Variants in KIAA0319 observed in about 807,000 individuals in gnomAD.
The protein encoded by KIAA0319 is dyslexia-associated protein KIAA0319.
In KIAA0319, 83 loss-of-function variants were observed where a neutral mutation model predicts 108.4. That is an observed-to-expected ratio of 0.77 (90% CI 0.64 to 0.92). The LOEUF (loss-of-function observed/expected upper bound fraction) is 0.92, where lower values mean the gene tolerates loss of function less well. Among genes scored for constraint, KIAA0319 ranks in the 40% least tolerant of loss-of-function variants. The pLI is 0.00. For missense variants in KIAA0319, 1,195 were observed against 1,322.4 expected (o/e 0.90, Z 1.49); for synonymous variants, 484 against 510.4 (o/e 0.95, Z 0.70).
chr6:24,571,230 T>C (rs2127461383), intron 11 of KIAA0319, among the ~76,000 whole-genome samples: 1 of 149,246 alleles, frequency 6.7e-6, no homozygotes, highest in African/African-American at 2.5e-5. Context: ...TTGATATAAA[T>C]AGATAAAATA....
chr6:24,573,525 C>T (rs577203411), intron 10 of KIAA0319, among the ~76,000 whole-genome samples: 116 of 152,084 alleles, frequency 7.6e-4, no homozygotes, highest in Non-Finnish European at 1.5e-3. Flanking sequence ...GGGTCGCATT[C>T]AAAAGCAAAC....
At chr6:24,622,969 A>G (rs775296439) in intron 1 of KIAA0319, among the ~76,000 whole-genome samples, 1 of 152,044 alleles carries the variant, frequency 6.6e-6, no homozygotes, top group Non-Finnish European at 1.5e-5. Context: ...AACCCAGGAG[A>G]TGGAGGTTGC....
chr6:24,576,478 G>A lies in KIAA0319; in HGVS notation c.1624C>T (p.Pro542Ser), dbSNP rs773814986. The part of the protein sequence containing the change: ...NAGPNHTITL[P>S]QNSITLNGNQ... The stretch of plus-strand genomic sequence containing the variant: ...CCATTCAAAGTGATGGAGTTTTGGG[G>A]CAAAGTTATGGTGTGATTTGGTCCT... Residue 542 changes from proline (P) to serine (S), a missense_variant, in exon 10 of 21, where the codon CCC (proline) becomes TCC (serine). Physicochemically the swap from Pro to Ser is moderately conservative, Grantham distance 74 (BLOSUM62 -1). Coordinates refer to ENST00000378214, the MANE Select transcript of KIAA0319 (RefSeq NM_014809.4). 1.9e-6 allele frequency: 3 copies of A among 1,614,146 alleles called. No homozygotes were observed. The highest frequency in any genetic ancestry group is 4.5e-5 in the East Asian group (2 of 44,888).
At chr6:24,632,541 T>A (rs541729648) in intron 1 of KIAA0319, among the ~76,000 whole-genome samples, 56 of 152,306 alleles carry the variant, frequency 3.7e-4, no homozygotes, top group African/African-American at 1.3e-3. Context: ...ACTTCTCCAC[T>A]CCTTACTGCC....
intron 1 of KIAA0319, among the ~76,000 whole-genome samples, chr6:24,612,743 C>A (rs1562067711): frequency 6.6e-6 from 1 of 152,106 alleles, no homozygotes; most frequent in Non-Finnish European, 1.5e-5. Context: ...GAAGAATTCA[C>A]AAAAAATTTT....
At position 24,579,842 on chromosome 6, in the gene KIAA0319, A is replaced by G. The variant is rs755510705; in HGVS notation, c.1372+16T>C. ...AGAGAAAAAAAGAAATCCCTAAACT[A>G]TCTCAGGATACACACGGCTGCCATC... On this transcript the variant is annotated intron_variant, in intron 8 of 20. Transcript: ENST00000378214. The G allele has an allele frequency of 5.7e-6, 9 of 1,583,434 alleles. No individual in the cohort carries two copies. Among genetic ancestry groups the G allele is most frequent in the Non-Finnish European group, 6.9e-6 (8 of 1,161,448 alleles).
At chr6:24,573,383 G>A (rs1765011585) in intron 10 of KIAA0319, among the ~76,000 whole-genome samples, 1 of 152,180 alleles carries the variant, frequency 6.6e-6, no homozygotes, top group African/African-American at 2.4e-5. Flanking sequence ...CCATCAACAG[G>A]AGGATGGTCA....
intron 1 of KIAA0319, among the ~76,000 whole-genome samples, chr6:24,616,572 TC>T (rs1773187638): frequency 6.6e-6 from 1 of 152,176 alleles, no homozygotes; most frequent in South Asian, 2.1e-4. Flanking sequence ...CAGGATGGTC[TC>T]GATTTCTTGA....
chr6:24,610,837 A>G (rs1397114154), intron 1 of KIAA0319, among the ~76,000 whole-genome samples: 2 of 152,178 alleles, frequency 1.3e-5, no homozygotes, highest in Non-Finnish European at 2.9e-5. Context: ...AACAACCCAA[A>G]CATTCATCAA....
intron 19 of KIAA0319, among the ~76,000 whole-genome samples, 153 bp downstream of exon 19, chr6:24,554,388 T>C (rs2817251): frequency 0.29 from 44,721 of 152,142 alleles, 7,894 homozygotes; most frequent in African/African-American, 0.5. Flanking sequence ...CCTCTAATAT[T>C]CCATTTATTT....
At chr6:24,637,604 G>A (rs575568051) in intron 1 of KIAA0319, among the ~76,000 whole-genome samples, 1 of 152,286 alleles carries the variant, frequency 6.6e-6, no homozygotes, top group South Asian at 2.1e-4. Flanking sequence ...ACTTAATGGA[G>A]CTTATGTTGA....
intron 1 of KIAA0319, among the ~76,000 whole-genome samples, chr6:24,607,795 G>A (rs910363476): frequency 1.3e-5 from 2 of 152,110 alleles, no homozygotes; most frequent in Non-Finnish European, 2.9e-5. Flanking sequence ...AAAAATGAAT[G>A]CTTAAGTATG....
At chr6:24,628,980 A>G (rs1302929148) in intron 1 of KIAA0319, among the ~76,000 whole-genome samples, 3 of 152,190 alleles carry the variant, frequency 2.0e-5, no homozygotes, top group Non-Finnish European at 4.4e-5. Flanking sequence ...GACTGAAAGC[A>G]TCTTTTGTGG....
rs765910637 is a variant in KIAA0319 at position 24,601,145 on chromosome 6, C to T, written c.-42G>A. ...GGTGATGGCAGGCTTCTGAGGCGGC[C>T]CTGAAGAGAGTTTGGTGCAAGCTTC... On this transcript the variant is annotated 5_prime_UTR_variant, in exon 2 of 21. Transcript: ENST00000378214. 1.0e-5 allele frequency: 16 copies of T among 1,607,374 alleles called. No individual in the cohort carries two copies. Among genetic ancestry groups the T allele is most frequent in the Non-Finnish European group, 1.3e-5 (15 of 1,176,806 alleles).
chr6:24,596,613 C>A lies in KIAA0319; in HGVS notation c.61G>T (p.Ala21Ser). The change falls in exon 3 of 21, where the codon GCC becomes TCC. Residue 21 changes from alanine (A) to serine (S), a missense_variant. By Grantham distance (99) the Ala-to-Ser change is moderately conservative. Transcript: ENST00000378214. ...LLLLVTIAGCARKQCSEGRTY... is the reference protein window; with the variant it reads ...LLLLVTIAGCSRKQCSEGRTY... ...CTCCCCTCGCTGCACTGCTTACGGG[C>A]ACAACCTTTAAACAAAGTAGTTTCT... is the stretch of plus-strand genomic sequence containing the variant. The A allele has an allele frequency of 6.2e-7, 1 of 1,601,212 alleles. No individual in the cohort carries two copies. Among genetic ancestry groups the A allele is most frequent in the South Asian group, 1.1e-5 (1 of 90,384 alleles).
intron 19 of KIAA0319, among the ~76,000 whole-genome samples, chr6:24,552,429 G>A (rs1324802651): frequency 6.6e-6 from 1 of 152,188 alleles, no homozygotes; most frequent in African/African-American, 2.4e-5. Context: ...ATGTCACAAA[G>A]CTGCAGATGT....
At chr6:24,633,319 A>C (rs1326027298) in intron 1 of KIAA0319, among the ~76,000 whole-genome samples, 2 of 152,236 alleles carry the variant, frequency 1.3e-5, no homozygotes, top group African/African-American at 4.8e-5. Flanking sequence ...TTATGGCATG[A>C]CAGAGAAGCT....
At chr6:24,578,833 G>A (rs1380151631) in intron 8 of KIAA0319, among the ~76,000 whole-genome samples, 1 of 152,248 alleles carries the variant, frequency 6.6e-6, no homozygotes, top group African/African-American at 2.4e-5. Context: ...ACAAGTTCAT[G>A]TGACAGATTA....
chr6:24,602,405 G>A (rs1223801230), intron 1 of KIAA0319, among the ~76,000 whole-genome samples: 1 of 80,054 alleles, frequency 1.2e-5, no homozygotes, highest in Admixed American at 1.1e-4. Flanking sequence ...TGCCAGGCCG[G>A]AAGTGGATGG....
Sources: gnomAD v4.1 joint callset for allele counts (sites outside exome capture counted in the v4.1 genomes callset) on GRCh38, gnomAD v4.1.1 for gene constraint, MANE v1.5 for transcripts, NCBI Gene and HGNC (gene_info 2026-07-23, HGNC 2026-07-21) for gene names.